The following PIK3R3 variants were observed in gnomAD, a reference collection of about 807,000 sequenced individuals.
The protein encoded by PIK3R3 is phosphatidylinositol 3-kinase regulatory subunit gamma.
In PIK3R3, 64 loss-of-function variants were observed where a neutral mutation model predicts 62.9. The observed-to-expected ratio is 1.02, with a 90% confidence interval of 0.83 to 1.25. PIK3R3 has a LOEUF of 1.25. PIK3R3 is among the 50% of genes most tolerant of loss of function. The probability of loss-of-function intolerance (pLI) is 0.00; values close to 1 mark genes in which losing one functional copy is unlikely to be tolerated. For missense variants in PIK3R3, 614 were observed against 561.6 expected, an observed-to-expected ratio of 1.09 and a Z score of -0.94; for synonymous variants, 165 against 189.0, an observed-to-expected ratio of 0.87 and a Z score of 1.04.
chr1:46,102,130 C>T (rs1331524938), intron 1 of PIK3R3, among the ~76,000 whole-genome samples: 3 of 151,734 alleles, frequency 2.0e-5, no homozygotes, highest in East Asian at 3.9e-4. Context: ...GGACTACAGG[C>T]GCCCACCACC....
At chr1:46,079,821 A>T (rs1382792641) in intron 2 of PIK3R3, among the ~76,000 whole-genome samples, 1 of 151,708 alleles carries the variant, frequency 6.6e-6, no homozygotes, top group African/African-American at 2.4e-5. Context: ...GGGTATGGTG[A>T]TGCATGACTG....
At chr1:46,154,727 AC>A in the PIK3R3 span, among the ~76,000 whole-genome samples, 7 of 152,096 alleles carry the variant, frequency 4.6e-5, no homozygotes, top group African/African-American at 1.7e-4. Context: ...CCACTCATTC[AC>A]ATCTGCTTCA....
chr1:46,168,082 C>T, the PIK3R3 span, among the ~76,000 whole-genome samples: 5,207 of 151,990 alleles, frequency 0.034, 287 homozygotes, highest in African/African-American at 0.12. Context: ...ATCTGGGAGG[C>T]GGAAGTTGCA....
the PIK3R3 span, among the ~76,000 whole-genome samples, chr1:46,173,562 G>A: frequency 1.3e-5 from 2 of 152,192 alleles, no homozygotes; most frequent in Non-Finnish European, 2.9e-5. Context: ...TCAGCCACCA[G>A]GGAACTCTGG....
chr1:46,101,920 T>C (rs980281694), intron 1 of PIK3R3, among the ~76,000 whole-genome samples: 1 of 151,734 alleles, frequency 6.6e-6, no homozygotes. Context: ...AATTTTGTCA[T>C]TCGTATTTTA....
the PIK3R3 span, among the ~76,000 whole-genome samples, chr1:46,144,262 C>T: frequency 6.6e-6 from 1 of 152,106 alleles, no homozygotes; most frequent in African/African-American, 2.4e-5. Context: ...GAAAGAAATG[C>T]TCTGAAAGGA....
At chr1:46,105,158 G>A in intron 1 of PIK3R3, 1 of 655,956 alleles carries the variant, frequency 1.5e-6, no homozygotes. Flanking sequence ...CACTCCGAAG[G>A]AATGGAGAGA....
chr1:46,108,752 C>T (rs785485), intron 1 of PIK3R3, among the ~76,000 whole-genome samples: 69,580 of 152,112 alleles, frequency 0.46, 16,068 homozygotes, highest in East Asian at 0.62. Flanking sequence ...CCCTTCTTGC[C>T]TCCACACCCA....
Position 46,041,981 on chromosome 1 carries a change from G to T in PIK3R3, c.*1692C>A. ...AACTAATATTTTTCTTTCACCCCCA[G>T]AACTAGAGCTTTCCTAGCTGTAAGC... On this transcript the variant is annotated 3_prime_UTR_variant, in exon 10 of 10. Transcript: ENST00000262741. The T allele has an allele frequency of 4.5e-6, 1 of 221,178 alleles. No homozygotes were observed. The highest frequency in any genetic ancestry group is 9.1e-6 in the Non-Finnish European group (1 of 110,400). The allele number at this position is 221,178 out of a possible 1,614,324, so 13.7% of individuals were successfully genotyped here. A position where few individuals can be genotyped will look rare whatever the true frequency, so the allele number is the denominator to read the frequency against.
upstream of PIK3R3, among the ~76,000 whole-genome samples, chr1:46,136,008 C>G (rs1244630890): frequency 8.8e-6 from 1 of 114,216 alleles, no homozygotes; most frequent in African/African-American, 3.4e-5. Context: ...CCAGCCTGGA[C>G]AACAGGGCGA....
At chr1:46,103,179 G>T (rs1652872134) in intron 1 of PIK3R3, among the ~76,000 whole-genome samples, 1 of 152,170 alleles carries the variant, frequency 6.6e-6, no homozygotes, top group African/African-American at 2.4e-5. Context: ...GAAACGACGA[G>T]TCACTGTTTA....
At chr1:46,110,684 C>T (rs1182936974) in intron 1 of PIK3R3, among the ~76,000 whole-genome samples, 1 of 152,000 alleles carries the variant, frequency 6.6e-6, no homozygotes, top group Non-Finnish European at 1.5e-5. Flanking sequence ...CCAAGTGTTT[C>T]ACACATAGAA....
At chr1:46,137,640 C>A (rs1655977595), upstream of PIK3R3, among the ~76,000 whole-genome samples, 1 of 152,210 alleles carries the variant, frequency 6.6e-6, no homozygotes, top group Non-Finnish European at 1.5e-5. Flanking sequence ...CTCTGCACAG[C>A]CCTTGGCACA....
chr1:46,091,773 G>A (rs1263538565), intron 1 of PIK3R3, among the ~76,000 whole-genome samples: 1 of 151,958 alleles, frequency 6.6e-6, no homozygotes, highest in Non-Finnish European at 1.5e-5. Context: ...AAAATCCAAG[G>A]ATGTTCAAAG....
chr1:46,151,134 T>C, the PIK3R3 span, among the ~76,000 whole-genome samples: 13 of 151,740 alleles, frequency 8.6e-5, no homozygotes, highest in Non-Finnish European at 4.4e-5. Context: ...TTTTAAAGAG[T>C]CTAGACTTGA....
At chr1:46,076,397 T>C (rs779082246) in intron 3 of PIK3R3, among the ~76,000 whole-genome samples, 2 of 152,200 alleles carry the variant, frequency 1.3e-5, no homozygotes, top group African/African-American at 2.4e-5. Context: ...AAGAAGTGTC[T>C]ATGACCAATG....
chr1:46,072,552 C>A (rs1452586756), intron 3 of PIK3R3, among the ~76,000 whole-genome samples: 3 of 152,214 alleles, frequency 2.0e-5, no homozygotes, highest in Non-Finnish European at 4.4e-5. Context: ...GTAGTATATA[C>A]ATATAGCAGA....
At chr1:46,075,491 A>G (rs1649985668) in intron 3 of PIK3R3, among the ~76,000 whole-genome samples, 1 of 152,134 alleles carries the variant, frequency 6.6e-6, no homozygotes, top group Admixed American at 6.5e-5. Flanking sequence ...GTGTGGTGGC[A>G]TGCGCCTTTG....
chr1:46,057,383 T>C (rs916924493), intron 6 of PIK3R3: 1 of 152,294 alleles, frequency 6.6e-6, no homozygotes, highest in Non-Finnish European at 1.5e-5. Context: ...TTAGTACTAG[T>C]AGAATGGGGC....
Sources: gnomAD v4.1 joint callset for allele counts (sites outside exome capture counted in the v4.1 genomes callset) on GRCh38, gnomAD v4.1.1 for gene constraint, MANE v1.5 for transcripts, NCBI Gene and HGNC (gene_info 2026-07-23, HGNC 2026-07-21) for gene names.